Variants in FSHR observed in about 807,000 individuals in gnomAD.
FSHR encodes follicle-stimulating hormone receptor.
Under a neutral mutation model 52.1 loss-of-function variants are expected in FSHR, and 46 were observed. That is an observed-to-expected ratio of 0.88 (90% CI 0.70 to 1.13). The LOEUF is 1.13. FSHR is among the 50% of genes most tolerant of loss of function. The pLI, the probability that FSHR is intolerant of heterozygous loss-of-function variation, is 0.00. For missense variants in FSHR, 964 were observed against 834.6 expected, an observed-to-expected ratio of 1.16 and a Z score of -1.91; for synonymous variants, 399 against 309.6, an observed-to-expected ratio of 1.29 and a Z score of -3.03.
intron 8 of FSHR, 55 bp downstream of exon 8, chr2:48,982,857 C>G: frequency 1.4e-6 from 2 of 1,458,664 alleles, no homozygotes; most frequent in Non-Finnish European, 1.9e-6. Context: ...AGAGAGTTGA[C>G]TTCTAACTTA....
At chr2:49,127,898 C>CTTCTTCTTCTTCTTCTTCTTTT (rs1558457105) in intron 1 of FSHR, among the ~76,000 whole-genome samples, 2 of 27,238 alleles carry the variant, frequency 7.3e-5, no homozygotes, top group African/African-American at 1.8e-4. Context: ...TCTTCTTCTT[C>CTTCTTCTTCTTCTTCTTCTTTT]TTTTTTTTTT....
intron 1 of FSHR, among the ~76,000 whole-genome samples, chr2:49,116,974 G>C (rs1425453425): frequency 6.6e-6 from 1 of 152,168 alleles, no homozygotes; most frequent in Non-Finnish European, 1.5e-5. Flanking sequence ...AGCTCTAAGA[G>C]GAAAAACCAA....
At chr2:48,981,159 T>C (rs1377352774) in intron 8 of FSHR, among the ~76,000 whole-genome samples, 1 of 152,236 alleles carries the variant, frequency 6.6e-6, no homozygotes. Context: ...CTTGAGTACA[T>C]GGACTATATG....
chr2:49,076,898 A>G (rs1382909904), intron 1 of FSHR, among the ~76,000 whole-genome samples: 1 of 152,210 alleles, frequency 6.6e-6, no homozygotes, highest in African/African-American at 2.4e-5. Context: ...TCTCACATCC[A>G]GGTCACAGTA....
intron 1 of FSHR, among the ~76,000 whole-genome samples, chr2:49,118,159 T>C (rs1201778639): frequency 1.3e-5 from 2 of 151,888 alleles, no homozygotes; most frequent in Admixed American, 1.3e-4. Context: ...CACTCCAAGG[T>C]GGTGGACTTG....
chr2:49,085,588 A>G (rs1278740695), intron 1 of FSHR, among the ~76,000 whole-genome samples: 2 of 152,186 alleles, frequency 1.3e-5, no homozygotes, highest in African/African-American at 4.8e-5. Flanking sequence ...TAGAAATACC[A>G]TTTGACCCAG....
chr2:49,074,091 A>G (rs566257835), intron 1 of FSHR, among the ~76,000 whole-genome samples: 72 of 152,224 alleles, frequency 4.7e-4, no homozygotes, highest in African/African-American at 1.7e-3. Context: ...AACTACTAGA[A>G]GAAAATGTAG....
chr2:49,096,941 T>A (rs1670841317), intron 1 of FSHR, among the ~76,000 whole-genome samples: 1 of 152,172 alleles, frequency 6.6e-6, no homozygotes, highest in African/African-American at 2.4e-5. Flanking sequence ...CTGCCATGAT[T>A]ATAAGTTTCC....
chr2:49,087,098 T>TTTTTTTTC (rs1553342899), intron 1 of FSHR, among the ~76,000 whole-genome samples: 1 of 146,958 alleles, frequency 6.8e-6, no homozygotes, highest in Admixed American at 6.8e-5. Context: ...TTTTTTTTTT[T>TTTTTTTTC]ACAAAGCTAC....
At chr2:49,072,205 A>G (rs1211442344) in intron 1 of FSHR, among the ~76,000 whole-genome samples, 1 of 152,130 alleles carries the variant, frequency 6.6e-6, no homozygotes, top group African/African-American at 2.4e-5. Context: ...TGTGGAAAGA[A>G]CAAAACCAAA....
chr2:48,990,771 G>A (rs1029217213), intron 4 of FSHR, 134 bp from the exon 5 acceptor site: 3 of 696,158 alleles, frequency 4.3e-6, no homozygotes, highest in African/African-American at 1.8e-5. Flanking sequence ...CCGTATATAC[G>A]TGAATTAGGC....
At chr2:49,113,639 T>A (rs902676411) in intron 1 of FSHR, among the ~76,000 whole-genome samples, 2 of 152,222 alleles carry the variant, frequency 1.3e-5, no homozygotes, top group Admixed American at 1.3e-4. Context: ...CTTCATTTTT[T>A]ATTTTCCCCC....
intron 2 of FSHR, among the ~76,000 whole-genome samples, chr2:49,054,089 A>G (rs547593087): frequency 1.3e-5 from 2 of 152,080 alleles, no homozygotes; most frequent in Non-Finnish European, 2.9e-5. Context: ...TCTTTTTTCT[A>G]TTGCTTACCC....
intron 1 of FSHR, among the ~76,000 whole-genome samples, chr2:49,125,371 T>C (rs1428812369): frequency 6.6e-6 from 1 of 152,210 alleles, no homozygotes; most frequent in Non-Finnish European, 1.5e-5. Context: ...TTTACAAGTT[T>C]GTGTTGGGCT....
At chr2:48,964,783 G>A (rs1674393324) in intron 9 of FSHR, among the ~76,000 whole-genome samples, 1 of 152,168 alleles carries the variant, frequency 6.6e-6, no homozygotes, top group African/African-American at 2.4e-5. Context: ...AAATGTACAA[G>A]GGGCCTTGTC....
rs113478601 is a variant in FSHR at position 49,077,996 on chromosome 2, A to G, written c.153-9706T>C. On this transcript the variant is annotated intron_variant, in intron 1 of 9. Transcript: ENST00000406846. ...TTTTCCTGTCTTCTGCCTGTTTCCA[A>G]CCTCTGCCTGTTACCCAGTTCCAAA... Among the ~76,000 whole-genome samples, 1,211 of 151,872 alleles carry G rather than the reference A, an allele frequency of 8.0e-3. 18 individuals carry two copies. The highest frequency in any genetic ancestry group is 0.028 in the African/African-American group (1,155 of 41,402).
intron 1 of FSHR, among the ~76,000 whole-genome samples, chr2:49,089,821 T>A (rs1361638663): frequency 1.3e-5 from 2 of 152,210 alleles, no homozygotes; most frequent in African/African-American, 4.8e-5. Context: ...TGAAAAATGA[T>A]AGTGGAGAGC....
intron 2 of FSHR, among the ~76,000 whole-genome samples, chr2:49,065,086 A>T (rs1240072860): frequency 6.6e-6 from 1 of 152,144 alleles, no homozygotes; most frequent in African/African-American, 2.4e-5. Flanking sequence ...TAAATATGCA[A>T]TATGATGTCT....
intron 6 of FSHR, among the ~76,000 whole-genome samples, chr2:48,984,213 C>CA (rs1230575102): frequency 4.6e-5 from 7 of 152,090 alleles, no homozygotes; most frequent in Non-Finnish European, 1.0e-4. Context: ...TCTTGAAAAC[C>CA]AATTACCTAA....
Sources: gnomAD v4.1 joint callset for allele counts (sites outside exome capture counted in the v4.1 genomes callset) on GRCh38, gnomAD v4.1.1 for gene constraint, MANE v1.5 for transcripts, NCBI Gene and HGNC (gene_info 2026-07-23, HGNC 2026-07-21) for gene names.